The following PIK3AP1 variants were observed in gnomAD, a reference collection of about 807,000 sequenced individuals.
PIK3AP1 encodes phosphoinositide-3-kinase adaptor protein 1.
PIK3AP1 carries 21 observed loss-of-function variants against 88.1 expected under a neutral mutation model. The observed-to-expected ratio is 0.24, with a 90% CI of 0.17 to 0.34. The LOEUF is 0.34. Ranked by LOEUF, PIK3AP1 falls within the 10% of genes least tolerant of loss-of-function variation. The pLI, the probability that PIK3AP1 is intolerant of heterozygous loss-of-function variation, is 1.00. For synonymous variants in PIK3AP1, 398 were observed against 400.0 expected (o/e 1.00, Z 0.06); for missense variants, 828 against 1,035.7 (o/e 0.80, Z 2.75).
At chr10:96,645,193 C>A (rs761520197) in intron 8 of PIK3AP1, among the ~76,000 whole-genome samples, 15 of 152,150 alleles carry the variant, frequency 9.9e-5, no homozygotes, top group Non-Finnish European at 1.6e-4. Context: ...GGCTGAGAGC[C>A]ACTGATTTGG....
At chr10:96,619,584 A>T (rs969850100) in intron 12 of PIK3AP1, 1 of 152,246 alleles carries the variant, frequency 6.6e-6, no homozygotes, top group Non-Finnish European at 1.5e-5. Context: ...TTTTTAATAC[A>T]AAGGCATTGG....
Position 96,623,443 on chromosome 10 carries a change from A to C in PIK3AP1, c.1735+29T>G, listed in dbSNP as rs201177034. The C allele has an allele frequency of 1.7e-4, 270 of 1,567,644 alleles. 2 individuals carry two copies. In the African/African-American group the frequency reaches 3.2e-3, roughly 18 times the overall value. ...ACCTATGAACACTTCAACCACACAAAAGTTCAGTTCATATAACACATGGCT... is the reference window on the plus strand; with the variant it reads ...ACCTATGAACACTTCAACCACACAACAGTTCAGTTCATATAACACATGGCT... On this transcript the variant is annotated intron_variant, in intron 11 of 16. Transcript: ENST00000339364.
intron 3 of PIK3AP1, among the ~76,000 whole-genome samples, chr10:96,653,696 C>G (rs576901303): frequency 1.3e-3 from 194 of 152,064 alleles, no homozygotes; most frequent in African/African-American, 4.2e-3. Context: ...CCATATTGGC[C>G]AGGCTGGTCT....
intron 10 of PIK3AP1, among the ~76,000 whole-genome samples, chr10:96,624,969 G>A (rs1028272368): frequency 6.6e-6 from 1 of 152,208 alleles, no homozygotes; most frequent in African/African-American, 2.4e-5. Flanking sequence ...CTTAGATTGA[G>A]TTCCCTCAGA....
At chr10:96,705,516 A>G (rs979255980) in intron 2 of PIK3AP1, among the ~76,000 whole-genome samples, 1 of 151,950 alleles carries the variant, frequency 6.6e-6, no homozygotes, top group Non-Finnish European at 1.5e-5. Flanking sequence ...CCTACAATCA[A>G]TAACTCCACA....
chr10:96,654,138 A>T (rs1843582042), intron 3 of PIK3AP1, among the ~76,000 whole-genome samples: 1 of 152,132 alleles, frequency 6.6e-6, no homozygotes, highest in South Asian at 2.1e-4. Flanking sequence ...ACCACTGGGC[A>T]AAAAGAACTT....
chr10:96,710,679 G>A (rs947659066), intron 1 of PIK3AP1, among the ~76,000 whole-genome samples: 1 of 152,124 alleles, frequency 6.6e-6, no homozygotes, highest in African/African-American at 2.4e-5. Context: ...CTATGTTCCA[G>A]GCACTCTTCC....
intron 2 of PIK3AP1, among the ~76,000 whole-genome samples, chr10:96,683,693 C>T (rs986472389): frequency 1.3e-5 from 2 of 152,090 alleles, no homozygotes; most frequent in Admixed American, 6.6e-5. Context: ...AGTGATAGTC[C>T]ATTCATTTAA....
At chr10:96,638,233 AGTAGCTTTGTT>A (rs2134220051) in intron 8 of PIK3AP1, among the ~76,000 whole-genome samples, 1 of 152,206 alleles carries the variant, frequency 6.6e-6, no homozygotes, top group Non-Finnish European at 1.5e-5. Context: ...TTATCACAGG[AGTAGCTTTGTT>A]GTAATAGCAA....
intron 3 of PIK3AP1, 88 bp downstream of exon 3, chr10:96,656,710 A>G: frequency 6.5e-7 from 1 of 1,546,450 alleles, no homozygotes; most frequent in Non-Finnish European, 8.8e-7. Flanking sequence ...GTGCAATACA[A>G]GAAACCACTC....
intron 16 of PIK3AP1, among the ~76,000 whole-genome samples, chr10:96,599,608 G>C (rs754672612): frequency 3.9e-5 from 6 of 152,152 alleles, no homozygotes; most frequent in Non-Finnish European, 8.8e-5. Flanking sequence ...TCTGACAGTG[G>C]AGTCTAGGAC....
chr10:96,604,024 G>T lies in PIK3AP1; in HGVS notation c.2196C>A (p.Thr732=). 1 of 1,607,680 alleles carries T rather than the reference G, an allele frequency of 6.2e-7. No homozygotes were observed. Among genetic ancestry groups the T allele is most frequent in the Non-Finnish European group, 8.5e-7 (1 of 1,176,828 alleles). The part of the protein sequence containing the change: ...TASSTSNRSS[T]RSLLSVSSGM... ...CGCTGCTCACACTGAGGAGGCTCCG[G>T]GTGCTGGAGCGGTTACTTGTGCTAC... is the stretch of plus-strand genomic sequence containing the variant. Residue 732 remains threonine (T), a synonymous_variant, in exon 15 of 17, where the codon ACC becomes ACA. Coordinates refer to ENST00000339364, the MANE Select transcript of PIK3AP1 (RefSeq NM_152309.3).
chr10:96,665,256 T>C (rs541475366), intron 2 of PIK3AP1, among the ~76,000 whole-genome samples: 2 of 152,358 alleles, frequency 1.3e-5, no homozygotes, highest in South Asian at 4.1e-4. Context: ...GTGTCATCTA[T>C]AAAGGATCCA....
chr10:96,672,459 G>T (rs1437212177), intron 2 of PIK3AP1, among the ~76,000 whole-genome samples: 1 of 152,196 alleles, frequency 6.6e-6, no homozygotes, highest in Admixed American at 6.5e-5. Flanking sequence ...AGGACAGGAG[G>T]AAAGATGACC....
intron 2 of PIK3AP1, among the ~76,000 whole-genome samples, chr10:96,704,725 AAAAAAAAAAGAAAAAAG>A (rs1208176495): frequency 6.7e-6 from 1 of 148,476 alleles, no homozygotes; most frequent in Admixed American, 6.7e-5. Context: ...TCTCAAAAAG[AAAAAAAAAAGAAAAAAG>A]AAAAAAAAAG....
intron 7 of PIK3AP1, among the ~76,000 whole-genome samples, chr10:96,646,203 T>C (rs1843457318): frequency 6.6e-6 from 1 of 151,624 alleles, no homozygotes; most frequent in Non-Finnish European, 1.5e-5. Flanking sequence ...GAGGTTGCAG[T>C]GAGCCAAGAT....
chr10:96,641,880 G>A (rs903874938), intron 8 of PIK3AP1, among the ~76,000 whole-genome samples: 15 of 152,146 alleles, frequency 9.9e-5, no homozygotes, highest in East Asian at 3.9e-4. Context: ...TCTGCTGGGC[G>A]GTGCTGCAAA....
chr10:96,645,670 A>G lies in PIK3AP1; in HGVS notation c.1186-8T>C, dbSNP rs745838462. 1.9e-6 allele frequency: 3 copies of G among 1,584,346 alleles called. No homozygotes were observed. In the Admixed American group the frequency reaches 5.5e-5, roughly 29 times the overall value. ...GAGCATGTCCACCGTTTCCTGAAAG[A>G]GAAGATGAGGCCCACGGCGCCCTGA... On this transcript the variant is annotated splice_region_variant and splice_polypyrimidine_tract_variant and intron_variant, in intron 7 of 16. Transcript: ENST00000339364.
chr10:96,671,931 G>A (rs1843852665), intron 2 of PIK3AP1, among the ~76,000 whole-genome samples: 1 of 152,090 alleles, frequency 6.6e-6, no homozygotes, highest in African/African-American at 2.4e-5. Context: ...CCAGCTACTT[G>A]GGAGGTTGAA....
Sources: allele counts gnomAD v4.1 joint callset (sites outside exome capture counted in the v4.1 genomes callset), GRCh38; gene constraint gnomAD v4.1.1; transcripts MANE v1.5; gene names NCBI Gene and HGNC (gene_info 2026-07-23, HGNC 2026-07-21).